SASH1: variants seen among roughly 807,000 people sequenced by gnomAD.
The protein encoded by SASH1 is SAM and SH3 domain-containing protein 1.
Under a neutral mutation model 125.2 loss-of-function variants are expected in SASH1, and 44 were observed. The observed-to-expected ratio is 0.35, with a 90% CI of 0.28 to 0.45. SASH1 has a LOEUF of 0.45. Among genes scored for constraint, SASH1 ranks in the 20% least tolerant of loss-of-function variants. The pLI is 1.00. For synonymous variants in SASH1, 639 were observed against 649.1 expected, an observed-to-expected ratio of 0.98 and a Z score of 0.24; for missense variants, 1,426 against 1,614.5, an observed-to-expected ratio of 0.88 and a Z score of 2.00.
intron 1 of SASH1, among the ~76,000 whole-genome samples, chr6:148,310,764 C>T (rs186651833): frequency 6.6e-6 from 1 of 151,998 alleles, no homozygotes; most frequent in African/African-American, 2.4e-5. Flanking sequence ...AATTAGTCAT[C>T]AGGAAAATGC....
chr6:148,384,251 G>A (rs778126962), intron 1 of SASH1, among the ~76,000 whole-genome samples: 4 of 152,126 alleles, frequency 2.6e-5, no homozygotes, highest in Non-Finnish European at 4.4e-5. Context: ...GTTTTCCCAT[G>A]TTCCTAAACT....
chr6:148,530,961 G>A (rs1237351271), intron 12 of SASH1, among the ~76,000 whole-genome samples: 1 of 152,178 alleles, frequency 6.6e-6, no homozygotes, highest in Non-Finnish European at 1.5e-5. Context: ...AAATTTTATG[G>A]TAGACTGGAA....
At chr6:148,200,088 G>A in the SASH1 span, among the ~76,000 whole-genome samples, 1 of 152,194 alleles carries the variant, frequency 6.6e-6, no homozygotes, top group Non-Finnish European at 1.5e-5. Flanking sequence ...ACATACTTCA[G>A]AATTAGCTTT....
chr6:148,333,493 C>T (rs1368101259), intron 1 of SASH1, among the ~76,000 whole-genome samples: 1 of 152,146 alleles, frequency 6.6e-6, no homozygotes, highest in Non-Finnish European at 1.5e-5. Flanking sequence ...TAACAAATTC[C>T]TTGGTGATGC....
chr6:148,208,338 A>G, the SASH1 span, among the ~76,000 whole-genome samples: 1 of 152,238 alleles, frequency 6.6e-6, no homozygotes, highest in East Asian at 1.9e-4. Flanking sequence ...TGCATAGGAC[A>G]TGATCCTTCT....
chr6:148,262,251 A>G, the SASH1 span, among the ~76,000 whole-genome samples: 1 of 152,146 alleles, frequency 6.6e-6, no homozygotes, highest in Non-Finnish European at 1.5e-5. Flanking sequence ...GTTCCTGTAT[A>G]AGATATCAGT....
Position 148,355,231 on chromosome 6 carries a change from A to T in SASH1, c.156+12008A>T, listed in dbSNP as rs562887218. ...ATTTTATTGTGAATTACAGTTTTTT[A>T]AAAAAAACCTTCTCAGAATGTATGG... On this transcript the variant is annotated intron_variant, in intron 1 of 19. Coordinates refer to ENST00000367467, the MANE Select transcript of SASH1 (RefSeq NM_015278.5). Among the ~76,000 whole-genome samples, 13 of 152,130 alleles carry T rather than the reference A, an allele frequency of 8.5e-5. No homozygotes were observed. In the East Asian group the frequency reaches 9.6e-4, roughly 11 times the overall value.
the SASH1 span, among the ~76,000 whole-genome samples, chr6:148,243,999 A>G: frequency 1.3e-5 from 2 of 152,160 alleles, no homozygotes; most frequent in African/African-American, 4.8e-5. Flanking sequence ...CTCTGCCTCA[A>G]CTCTGTTGGC....
intron 1 of SASH1, among the ~76,000 whole-genome samples, chr6:148,299,032 C>G (rs1361973590): frequency 6.6e-6 from 1 of 152,136 alleles, no homozygotes; most frequent in Non-Finnish European, 1.5e-5. Context: ...AGCACACAGA[C>G]AATTTTGCAA....
intron 2 of SASH1, among the ~76,000 whole-genome samples, chr6:148,439,511 G>T (rs370178445): frequency 6.6e-6 from 1 of 152,200 alleles, no homozygotes; most frequent in African/African-American, 2.4e-5. Flanking sequence ...GGGCGCGGTG[G>T]CTCATGCCTG....
chr6:148,422,784 A>G (rs535911388), intron 2 of SASH1, among the ~76,000 whole-genome samples: 1 of 151,254 alleles, frequency 6.6e-6, no homozygotes, highest in South Asian at 2.1e-4. Context: ...GCCTGTTTCC[A>G]TTATAAACCT....
upstream of SASH1, among the ~76,000 whole-genome samples, chr6:148,338,518 G>A (rs1781232653): frequency 3.3e-5 from 5 of 151,878 alleles, no homozygotes. Context: ...TATCATTCAA[G>A]TTCTCTGGAG....
chr6:148,421,149 G>GGAAGGAAGGAAGGAAGGAAGGAAGGAAGA (rs1562396374), intron 2 of SASH1, among the ~76,000 whole-genome samples: 1 of 67,314 alleles, frequency 1.5e-5, no homozygotes, highest in Non-Finnish European at 3.4e-5. Flanking sequence ...AAGGAAGGAA[G>GGAAGGAAGGAAGGAAGGAAGGAAGGAAGA]AAAGAAAGAA....
intron 1 of SASH1, among the ~76,000 whole-genome samples, chr6:148,347,240 G>C (rs1161526911): frequency 6.6e-6 from 1 of 152,102 alleles, no homozygotes; most frequent in East Asian, 1.9e-4. Context: ...TGGGAAGGGG[G>C]TTAGTAAGTG....
intron 2 of SASH1, among the ~76,000 whole-genome samples, chr6:148,399,660 G>T (rs1224162727): frequency 6.6e-6 from 1 of 152,192 alleles, no homozygotes; most frequent in Admixed American, 6.5e-5. Flanking sequence ...GAGCTTTGTT[G>T]TTTCCATTTG....
chr6:148,325,756 T>C (rs1179359892), intron 1 of SASH1, among the ~76,000 whole-genome samples: 1 of 152,078 alleles, frequency 6.6e-6, no homozygotes, highest in Non-Finnish European at 1.5e-5. Context: ...CATATCACCC[T>C]CAGTTGCAAG....
At chr6:148,255,335 A>T in the SASH1 span, among the ~76,000 whole-genome samples, 1 of 152,194 alleles carries the variant, frequency 6.6e-6, no homozygotes, top group African/African-American at 2.4e-5. Context: ...CTGTATGCAC[A>T]CATTCCTCGG....
intron 6 of SASH1, among the ~76,000 whole-genome samples, chr6:148,472,413 G>A (rs1002598167): frequency 1.3e-5 from 2 of 149,816 alleles, no homozygotes; most frequent in African/African-American, 2.5e-5. Context: ...TTCACCCAGC[G>A]TCACTTGTGA....
the SASH1 span, among the ~76,000 whole-genome samples, chr6:148,228,310 G>A: frequency 2.0e-5 from 3 of 152,070 alleles, no homozygotes; most frequent in Non-Finnish European, 4.4e-5. Context: ...TTACTTATCC[G>A]TTATTTCTAA....
Sources: allele counts gnomAD v4.1 joint callset (sites outside exome capture counted in the v4.1 genomes callset), GRCh38; gene constraint gnomAD v4.1.1; transcripts MANE v1.5; gene names NCBI Gene and HGNC (gene_info 2026-07-23, HGNC 2026-07-21).